DDX27: variants seen among roughly 807,000 people sequenced by gnomAD.
DDX27 encodes probable ATP-dependent RNA helicase DDX27.
DDX27 carries 42 observed loss-of-function variants against 99.3 expected under a neutral mutation model. That is an observed-to-expected ratio of 0.42 (90% CI 0.33 to 0.55). DDX27 has a LOEUF of 0.55. DDX27 is among the 20% of genes least tolerant of loss of function. DDX27 has a pLI of 0.07. For missense variants in DDX27, 798 were observed against 976.8 expected, an observed-to-expected ratio of 0.82 and a Z score of 2.44; for synonymous variants, 329 against 353.8, an observed-to-expected ratio of 0.93 and a Z score of 0.79.
chr20:49,229,955 A>G (rs1296525527), intron 8 of DDX27, among the ~76,000 whole-genome samples: 3 of 152,128 alleles, frequency 2.0e-5, no homozygotes, highest in Non-Finnish European at 4.4e-5. Flanking sequence ...CAGCCCATGC[A>G]TTCTCTTCTG....
chr20:49,242,717 CTTTTTTTTTTTTTT>C (rs71186444), intron 19 of DDX27, 36 bp downstream of exon 19: 1,109,628 of 1,420,108 alleles, frequency 0.78, 429,334 homozygotes, highest in Non-Finnish European at 0.81. Flanking sequence ...CCTTGGTATT[CTTTTTTTTTTTTTT>C]TTTTTTTTTG....
rs772214156 is a variant in DDX27, at chr20:49,234,959, A to T, written c.1298A>T (p.Asp433Val). 1 of 1,609,754 alleles carries T rather than the reference A, an allele frequency of 6.2e-7. No homozygotes were observed. Among genetic ancestry groups the T allele is most frequent in the African/African-American group, 1.3e-5 (1 of 74,882 alleles). Residue 433 changes from aspartate to valine, a missense_variant, in exon 12 of 21, where the codon GAC becomes GTC. Transcript: ENST00000618172. ...VAALLTRTFT[D>V]HVMLFTQTKK... ...GCTTTGTTGACGAGGACCTTCACTGACCATGTGATGCTGTTCACGCAAACC... is the reference window on the plus strand; with the variant it reads ...GCTTTGTTGACGAGGACCTTCACTGTCCATGTGATGCTGTTCACGCAAACC...
Position 49,221,520 on chromosome 20 carries a change from T to C in DDX27, c.162T>C (p.Asp54=). The C allele has an allele frequency of 1.2e-6, 2 of 1,613,782 alleles. No individual in the cohort carries two copies. Among genetic ancestry groups the C allele is most frequent in the Non-Finnish European group, 1.7e-6 (2 of 1,179,960 alleles). ...ACCGCAGTGCTGATTTCAACCCTGA[T>C]TTCGTTTTCACTGAGAAGGAGGGGA... is the stretch of plus-strand genomic sequence containing the variant. ...GKNRSADFNP[D]FVFTEKEGTY... is the part of the protein sequence containing the mutation. The change falls in exon 2 of 21, where the codon GAT becomes GAC. Residue 54 remains aspartate, a synonymous_variant. Transcript: ENST00000618172.
chr20:49,230,207 G>A lies in DDX27; in HGVS notation c.889G>A (p.Asp297Asn), dbSNP rs746753175. The change falls in exon 9 of 21, where the codon GAT becomes AAT. Residue 297 changes from aspartate (D) to asparagine (N), a missense_variant. By Grantham distance (23) the Asp-to-Asn change is conservative. Transcript: ENST00000618172. ...ITTCLAVGGL[D>N]VKSQEAALRA... ...CTCTCTTCTCTTTGCAGGCGGCTTG[G>A]ATGTGAAGTCTCAGGAAGCAGCTCT... The A allele has an allele frequency of 1.2e-6, 2 of 1,612,252 alleles. No homozygotes were observed. Among genetic ancestry groups the A allele is most frequent in the East Asian group, 2.2e-5 (1 of 44,864 alleles).
In DDX27 at chr20:49,219,546, G is replaced by C. The variant is rs1216667677; in HGVS notation, c.93+5G>C. ...TCCGGGGACGAGGAAGAGGAGGTAT[G>C]AGCACGGTTCTGGTCTTTGGGTTTC... On this transcript the variant is annotated splice_donor_5th_base_variant and intron_variant, in intron 1 of 20. Coordinates refer to ENST00000618172, the MANE Select transcript of DDX27 (RefSeq NM_017895.8). 1.2e-6 allele frequency: 2 copies of C among 1,613,076 alleles called. No homozygotes were observed. Among genetic ancestry groups the C allele is most frequent in the African/African-American group, 1.3e-5 (1 of 74,842 alleles).
chr20:49,223,451 G>A lies in DDX27; in HGVS notation c.466+18G>A. On this transcript the variant is annotated intron_variant, in intron 4 of 20. Transcript: ENST00000618172. ...CAAAGCAGGTAGACGTTACGGCGGA[G>A]GTGTCAGTAATGGGGACAGGAGATC... 6.3e-7 allele frequency: 1 copy of A among 1,599,426 alleles called. No homozygotes were observed. The highest frequency in any genetic ancestry group is 8.5e-7 in the Non-Finnish European group (1 of 1,174,364).
rs138750928 is a variant in DDX27 at position 49,232,212 on chromosome 20, G to A, written c.1032-1094G>A. 2.9e-3 allele frequency among the ~76,000 whole-genome samples: 442 copies of A among 152,202 alleles called. 4 individuals are homozygous for A. Among genetic ancestry groups the A allele is most frequent in the African/African-American group, 0.01 (419 of 41,534 alleles). On this transcript the variant is annotated intron_variant, in intron 9 of 20. Transcript: ENST00000618172. Reference sequence around the variant, plus strand: ...CCAGCTCATTTTTGTATTTTTTGTGGAGATGAGGTTTTGCTATGCTGCCCA... The same window carrying A: ...CCAGCTCATTTTTGTATTTTTTGTGAAGATGAGGTTTTGCTATGCTGCCCA...
At chr20:49,231,499 C>T (rs1281643712) in intron 9 of DDX27, among the ~76,000 whole-genome samples, 9 of 152,064 alleles carry the variant, frequency 5.9e-5, no homozygotes, top group Admixed American at 4.6e-4. Flanking sequence ...CCAAAAAAGG[C>T]GGAGGAAGTA....
In DDX27 at chr20:49,236,316, C is replaced by T. The variant is rs769284800; in HGVS notation, c.1510-17C>T. On this transcript the variant is annotated splice_polypyrimidine_tract_variant and intron_variant, in intron 13 of 20. Coordinates refer to ENST00000618172, the MANE Select transcript of DDX27 (RefSeq NM_017895.8). This position sits in a 1 kb window ranked among gnomAD's most constrained non-coding sequence, Gnocchi z 4.1. ...CCCTTCCCTTGCCAGGCCTGACGTT[C>T]ATTTTTGACCTTCTAGGTAATCAAC... The T allele has an allele frequency of 5.7e-6, 9 of 1,569,326 alleles. 1 individual carries two copies. In the Admixed American group the frequency reaches 1.5e-4, roughly 26 times the overall value.
chr20:49,220,985 A>G (rs887659214), intron 1 of DDX27, among the ~76,000 whole-genome samples: 2 of 151,554 alleles, frequency 1.3e-5, no homozygotes, highest in Non-Finnish European at 3.0e-5. Flanking sequence ...TTTTTAAGAC[A>G]GAGTCTTGCT....
At chr20:49,241,671 G>T (rs1462656254) in intron 16 of DDX27, 3 of 605,054 alleles carry the variant, frequency 5.0e-6, no homozygotes, top group Non-Finnish European at 8.9e-6. Context: ...GTTTCACCAT[G>T]TTGGCCATGC....
intron 9 of DDX27, 63 bp from the exon 10 acceptor site, chr20:49,233,243 G>C: frequency 8.2e-7 from 1 of 1,219,834 alleles, no homozygotes; most frequent in Non-Finnish European, 1.2e-6. Flanking sequence ...ATGCAATCCC[G>C]TGTCCCTCAC....
chr20:49,233,999 G>A (rs568420964), intron 11 of DDX27: 8 of 342,190 alleles, frequency 2.3e-5, no homozygotes, highest in East Asian at 1.8e-4. Flanking sequence ...CGCCTGGATC[G>A]TTGCGCAGCC....
chr20:49,225,670 T>C (rs923821276), intron 6 of DDX27, among the ~76,000 whole-genome samples: 11 of 152,020 alleles, frequency 7.2e-5, no homozygotes, highest in African/African-American at 2.7e-4. Context: ...TTAGCCAGGA[T>C]GGTCTCGATC....
At chr20:49,226,794 G>GCCT (rs946508094) in intron 7 of DDX27, among the ~76,000 whole-genome samples, 2 of 149,906 alleles carry the variant, frequency 1.3e-5, no homozygotes, top group African/African-American at 4.9e-5. Flanking sequence ...GAGCCACTGT[G>GCCT]CCTGGCCATA....
chr20:49,236,823 A>T lies in DDX27; in HGVS notation c.1687+313A>T, dbSNP rs769586158. On this transcript the variant is annotated intron_variant, in intron 14 of 20. Coordinates refer to ENST00000618172, the MANE Select transcript of DDX27 (RefSeq NM_017895.8). The surrounding 1 kb of genome is among the most constrained non-coding windows in gnomAD (Gnocchi z 4.1). The stretch of plus-strand genomic sequence containing the variant: ...ACTGTTGGTGGTGGGGAAGAGAGAG[A>T]TCAGTACTCATTCTTTTTGGGTCCT... Among the ~76,000 whole-genome samples the T allele has an allele frequency of 6.6e-6, 1 of 152,224 alleles. No individual in the cohort carries two copies. Among genetic ancestry groups the T allele is most frequent in the East Asian group, 1.9e-4 (1 of 5,176 alleles).
intron 7 of DDX27, among the ~76,000 whole-genome samples, 191 bp from the exon 8 acceptor site, chr20:49,228,524 C>T (rs553272501): frequency 1.3e-5 from 2 of 151,950 alleles, no homozygotes; most frequent in East Asian, 1.9e-4. Context: ...CCGCCTGCCT[C>T]GGCGTCCCAA....
At chr20:49,239,168 G>T in intron 15 of DDX27, 68 bp from the exon 16 acceptor site, 1 of 1,546,918 alleles carries the variant, frequency 6.5e-7, no homozygotes, top group Non-Finnish European at 8.9e-7. Flanking sequence ...CCAGGCATTT[G>T]CAGCCCGTGG....
chr20:49,222,987 G>A lies in DDX27; in HGVS notation c.271G>A (p.Glu91Lys), dbSNP rs367850273. ...RAATTLDEKIEKVRKKRKTED... is the reference protein window; with the variant it reads ...RAATTLDEKIKKVRKKRKTED... ...AGCCACTACATTAGATGAGAAGATT[G>A]AGAAAGTTCGAAAGAAAAGGAAAAC... The change falls in exon 3 of 21, where the codon GAG becomes AAG. Residue 91 changes from glutamate to lysine, a missense_variant. Physicochemically the swap from Glu to Lys is moderately conservative, Grantham distance 56. Around this residue, in one of 2 missense-constraint regions of DDX27, gnomAD observed 245 missense variants for 248.8 expected, o/e 0.98. Coordinates refer to ENST00000618172, the MANE Select transcript of DDX27 (RefSeq NM_017895.8). 3.7e-6 allele frequency: 6 copies of A among 1,613,160 alleles called. No homozygotes were observed. The highest frequency in any genetic ancestry group is 3.4e-6 in the Non-Finnish European group (4 of 1,179,628).
Sources: allele counts gnomAD v4.1 joint callset (sites outside exome capture counted in the v4.1 genomes callset), GRCh38; gene constraint gnomAD v4.1.1; regional missense constraint gnomAD v4.1.1; non-coding constraint Gnocchi (gnomAD v3.1); transcripts MANE v1.5; gene names NCBI Gene and HGNC (gene_info 2026-07-23, HGNC 2026-07-21).